XYLT1: variants seen among roughly 807,000 people sequenced by gnomAD.
The protein encoded by XYLT1 is xylosyltransferase 1.
A neutral mutation model predicts 91.3 loss-of-function variants in XYLT1; 36 were observed. That is an observed-to-expected ratio of 0.39 (90% CI 0.30 to 0.52). The LOEUF (loss-of-function observed/expected upper bound fraction) is 0.52. Ranked by LOEUF, XYLT1 falls within the 20% of genes least tolerant of loss-of-function variation. The pLI is 0.68. For synonymous variants in XYLT1, 588 were observed against 532.0 expected, an observed-to-expected ratio of 1.11 and a Z score of -1.45; for missense variants, 1,242 against 1,284.5, an observed-to-expected ratio of 0.97 and a Z score of 0.51.
intron 2 of XYLT1, among the ~76,000 whole-genome samples, chr16:17,296,126 ATGCCAAC>A: frequency 6.6e-6 from 1 of 151,612 alleles, no homozygotes; most frequent in Non-Finnish European, 1.5e-5. Context: ...ACCTAAAAGG[ATGCCAAC>A]TGTCTTCTGG....
At chr16:17,192,359 A>G (rs1339519450) in intron 5 of XYLT1, among the ~76,000 whole-genome samples, 1 of 151,978 alleles carries the variant, frequency 6.6e-6, no homozygotes, top group African/African-American at 2.4e-5. Flanking sequence ...TTGGCCTCCC[A>G]AAGTGCTGGT....
At chr16:17,432,807 G>A (rs1293383302) in intron 1 of XYLT1, among the ~76,000 whole-genome samples, 1 of 152,136 alleles carries the variant, frequency 6.6e-6, no homozygotes, top group African/African-American at 2.4e-5. Context: ...GGTTGTTCTA[G>A]AGGAGGCTAA....
At chr16:17,354,199 G>C (rs965398258) in intron 2 of XYLT1, among the ~76,000 whole-genome samples, 1 of 152,058 alleles carries the variant, frequency 6.6e-6, no homozygotes, top group Non-Finnish European at 1.5e-5. Context: ...CTTCCTTGGT[G>C]CCTCCCCAGG....
chr16:17,248,803 A>T (rs2033487879), intron 3 of XYLT1, among the ~76,000 whole-genome samples: 1 of 144,670 alleles, frequency 6.9e-6, no homozygotes, highest in African/African-American at 2.6e-5. Context: ...GCTGGAGTGC[A>T]ATGGTGCAAT....
chr16:17,279,619 A>G (rs111829188), intron 2 of XYLT1, among the ~76,000 whole-genome samples: 2,950 of 152,286 alleles, frequency 0.019, 50 homozygotes, highest in South Asian at 0.031. Flanking sequence ...TTTTGGATAC[A>G]CTGTGGGCTA....
chr16:17,115,729 G>A (rs987545003), intron 11 of XYLT1, among the ~76,000 whole-genome samples: 16 of 139,556 alleles, frequency 1.1e-4, no homozygotes, highest in African/African-American at 1.6e-4. Flanking sequence ...CAAGTGATCC[G>A]CCTGCCTTGG....
chr16:17,269,088 TC>T (rs1407056265), intron 2 of XYLT1, among the ~76,000 whole-genome samples: 1 of 152,226 alleles, frequency 6.6e-6, no homozygotes, highest in African/African-American at 2.4e-5. Context: ...CTAGTCAGCC[TC>T]CTCTGCCCCC....
At chr16:17,460,158 A>G (rs1310017136) in intron 1 of XYLT1, among the ~76,000 whole-genome samples, 1 of 152,186 alleles carries the variant, frequency 6.6e-6, no homozygotes, top group Non-Finnish European at 1.5e-5. Context: ...GACCAAGCCA[A>G]GGTGCTCAGG....
intron 2 of XYLT1, among the ~76,000 whole-genome samples, chr16:17,309,944 C>G (rs1369820746): frequency 6.6e-6 from 1 of 152,034 alleles, no homozygotes; most frequent in Non-Finnish European, 1.5e-5. Context: ...CCCCAGGGGC[C>G]AGGGGTGGCA....
chr16:17,276,732 T>C (rs1365598862), intron 2 of XYLT1, among the ~76,000 whole-genome samples: 2 of 152,138 alleles, frequency 1.3e-5, no homozygotes, highest in Non-Finnish European at 2.9e-5. Context: ...CACCGTCCGA[T>C]GAAGTTGTTA....
chr16:17,251,702 GCA>G (rs2033540832), intron 3 of XYLT1, among the ~76,000 whole-genome samples: 1 of 152,174 alleles, frequency 6.6e-6, no homozygotes, highest in Non-Finnish European at 1.5e-5. Context: ...CTGGCAGCTG[GCA>G]CAGATTGCCT....
At chr16:17,447,863 GGCATTTAAAAAACAC>G (rs1327247817) in intron 1 of XYLT1, among the ~76,000 whole-genome samples, 1 of 152,152 alleles carries the variant, frequency 6.6e-6, no homozygotes, top group Non-Finnish European at 1.5e-5. Context: ...TAAAAAATGA[GGCATTTAAAAAACAC>G]CCAGTACCTT....
chr16:17,135,803 T>C (rs1397674204), intron 8 of XYLT1, among the ~76,000 whole-genome samples: 1 of 152,288 alleles, frequency 6.6e-6, no homozygotes, highest in East Asian at 1.9e-4. Context: ...AGTAAATATT[T>C]AAAATAGCTT....
Position 17,198,366 on chromosome 16 carries a change from T to C in XYLT1, c.1135A>G (p.Ser379Gly), listed in dbSNP as rs1260444934. ...RQVLQVSRQY[S>G]NVRVTPWRMA... ...CTCCAGGGGGTGACGCGGACATTGCTGTACTGCCTGGAGACCTGGAGCACT... is the reference window on the plus strand; with the variant it reads ...CTCCAGGGGGTGACGCGGACATTGCCGTACTGCCTGGAGACCTGGAGCACT... Residue 379 changes from serine to glycine, a missense_variant, in exon 5 of 12, where the codon AGC becomes GGC. Physicochemically the swap from Ser to Gly is moderately conservative, Grantham distance 56. Transcript: ENST00000261381. 6.2e-7 allele frequency: 1 copy of C among 1,614,198 alleles called. No individual in the cohort carries two copies. The highest frequency in any genetic ancestry group is 1.1e-5 in the South Asian group (1 of 91,088).
chr16:17,146,239 A>G lies in XYLT1; in HGVS notation c.1371-4870T>C, dbSNP rs2031129275. 2.0e-5 allele frequency among the ~76,000 whole-genome samples: 3 copies of G among 151,732 alleles called. No individual in the cohort carries two copies. In the South Asian group the frequency reaches 6.2e-4, roughly 31 times the overall value. On this transcript the variant is annotated intron_variant, in intron 6 of 11. Transcript: ENST00000261381. ...ACCTCTAGACATTGGCTACTATGGA[A>G]GATAATGACATAGTACACCTAAGTC...
intron 3 of XYLT1, among the ~76,000 whole-genome samples, chr16:17,214,562 T>TG (rs1292628426): frequency 1.3e-5 from 2 of 152,054 alleles, no homozygotes; most frequent in Non-Finnish European, 2.9e-5. Context: ...CCACTAAGTT[T>TG]GGGGGGGTTT....
At position 17,133,195 on chromosome 16, in the gene XYLT1, A is replaced by G. The variant is rs1325238736; in HGVS notation, c.2027+1278T>C. 3.9e-5 allele frequency among the ~76,000 whole-genome samples: 6 copies of G among 152,110 alleles called. No homozygotes were observed. The East Asian group carries it at 1.2e-3, about 29-fold the overall frequency. ...TGGGACAGTGTCACAGCCCTGCGGA[A>G]ACCTTGCTGGCCAGGGATGAGACAC... On this transcript the variant is annotated intron_variant, in intron 9 of 11. Coordinates refer to ENST00000261381, the MANE Select transcript of XYLT1 (RefSeq NM_022166.4).
intron 10 of XYLT1, among the ~76,000 whole-genome samples, chr16:17,124,356 C>A (rs2030182314): frequency 6.6e-6 from 1 of 152,140 alleles, no homozygotes; most frequent in Admixed American, 6.6e-5. Flanking sequence ...TCTGAAAAAA[C>A]TGTATCTTTC....
chr16:17,421,278 C>T (rs1254356992), intron 1 of XYLT1, among the ~76,000 whole-genome samples: 1 of 152,156 alleles, frequency 6.6e-6, no homozygotes, highest in African/African-American at 2.4e-5. Context: ...AAATCCCTGC[C>T]AATTAAGGAG....
Sources: gnomAD v4.1 joint callset for allele counts (sites outside exome capture counted in the v4.1 genomes callset) on GRCh38, gnomAD v4.1.1 for gene constraint, MANE v1.5 for transcripts, NCBI Gene and HGNC (gene_info 2026-07-23, HGNC 2026-07-21) for gene names.